Variants in ATXN10 observed in about 807,000 individuals in gnomAD.
The protein encoded by ATXN10 is ataxin-10.
A neutral mutation model predicts 52.9 loss-of-function variants in ATXN10; 28 were observed. The ratio of observed to expected loss-of-function variants is 0.53; its 90% CI spans 0.39 to 0.73. The LOEUF (loss-of-function observed/expected upper bound fraction) is 0.73. Among genes scored for constraint, ATXN10 ranks in the 30% least tolerant of loss-of-function variants. The probability of loss-of-function intolerance (pLI) is 0.00; values close to 1 mark genes in which losing one functional copy is unlikely to be tolerated. For synonymous variants in ATXN10, 226 were observed against 221.5 expected (o/e 1.02, Z -0.18); for missense variants, 565 against 577.0 (o/e 0.98, Z 0.21).
chr22:45,831,264 G>C (rs192090885), intron 10 of ATXN10, among the ~76,000 whole-genome samples: 16 of 152,250 alleles, frequency 1.1e-4, no homozygotes, highest in Admixed American at 9.2e-4. Flanking sequence ...TGCGGAGATG[G>C]ATGGTGGTGA....
chr22:45,730,128 G>A (rs1925030184), intron 7 of ATXN10, among the ~76,000 whole-genome samples: 1 of 152,096 alleles, frequency 6.6e-6, no homozygotes, highest in Non-Finnish European at 1.5e-5. Context: ...AGGATCGCTT[G>A]AGCCCAGGAA....
Position 45,787,565 on chromosome 22 carries a change from C to G in ATXN10, c.1174-19394C>G, listed in dbSNP as rs575420534. On this transcript the variant is annotated intron_variant, in intron 9 of 11. Coordinates refer to ENST00000252934, the MANE Select transcript of ATXN10 (RefSeq NM_013236.4). The surrounding 1 kb of genome is among the most constrained non-coding windows in gnomAD (Gnocchi z 4.2). ...CTTACTGTATGGGAAGGAATGCTGT[C>G]CAGTCGTCTTGAGTTGAACGTTCTC... is the stretch of plus-strand genomic sequence containing the variant. 6.6e-6 allele frequency among the ~76,000 whole-genome samples: 1 copy of G among 152,294 alleles called. No individual in the cohort carries two copies. The highest frequency in any genetic ancestry group is 2.1e-4 in the South Asian group (1 of 4,820).
chr22:45,698,685 A>C (rs1460277168), intron 3 of ATXN10, among the ~76,000 whole-genome samples: 1 of 152,074 alleles, frequency 6.6e-6, no homozygotes, highest in East Asian at 1.9e-4. Context: ...ATGTTATTGG[A>C]AGGATATTAT....
chr22:45,791,162 T>G (rs1279334957), intron 9 of ATXN10, among the ~76,000 whole-genome samples: 2 of 152,234 alleles, frequency 1.3e-5, no homozygotes, highest in Non-Finnish European at 2.9e-5. Context: ...TCCAGCTAAA[T>G]CAGCCTTATT....
chr22:45,811,563 A>G (rs1292259513), intron 10 of ATXN10: 2 of 359,444 alleles, frequency 5.6e-6, no homozygotes, highest in African/African-American at 2.1e-5. Flanking sequence ...GTTACATGCT[A>G]TACAGTTCTA....
rs1026073828 is a variant in ATXN10 at position 45,688,360 on chromosome 22, C to T, written c.117-1352C>T. Among the ~76,000 whole-genome samples, 2 of 151,764 alleles carry T rather than the reference C, an allele frequency of 1.3e-5. No homozygotes were observed. Among genetic ancestry groups the T allele is most frequent in the Non-Finnish European group, 2.9e-5 (2 of 67,978 alleles). On this transcript the variant is annotated intron_variant, in intron 1 of 11. Coordinates refer to ENST00000252934, the MANE Select transcript of ATXN10 (RefSeq NM_013236.4). This position sits in a 1 kb window ranked among gnomAD's most constrained non-coding sequence, Gnocchi z 4.0. ...TTTGAGATACCTTAAAAAATAAATA[C>T]GAGAAAAAGATAAGGGGGGAAATTA...
intron 9 of ATXN10, among the ~76,000 whole-genome samples, chr22:45,799,337 CAT>C (rs1927856930): frequency 6.6e-6 from 1 of 152,174 alleles, no homozygotes; most frequent in South Asian, 2.1e-4. Context: ...CCCCAAAATT[CAT>C]ATGTTGAATT....
chr22:45,693,140 T>C, intron 3 of ATXN10, 62 bp downstream of exon 3: 1 of 1,336,534 alleles, frequency 7.5e-7, no homozygotes, highest in Non-Finnish European at 1.1e-6. Flanking sequence ...AACCAGTACT[T>C]TGAGTATTAA....
chr22:45,838,631 A>G (rs1365860958), intron 10 of ATXN10, among the ~76,000 whole-genome samples: 1 of 152,170 alleles, frequency 6.6e-6, no homozygotes, highest in East Asian at 1.9e-4. Flanking sequence ...CAAGAGGGCA[A>G]TGTGAATATT....
intron 10 of ATXN10, among the ~76,000 whole-genome samples, chr22:45,813,195 A>G (rs1317631561): frequency 3.3e-5 from 5 of 152,108 alleles, no homozygotes; most frequent in Admixed American, 1.3e-4. Context: ...CACAGAGGCA[A>G]TTTCTTATTT....
Position 45,795,473 on chromosome 22 carries a change from C to T in ATXN10, c.1174-11486C>T, listed in dbSNP as rs182636781. On this transcript the variant is annotated intron_variant, in intron 9 of 11. Transcript: ENST00000252934. The surrounding 1 kb of genome is among the most constrained non-coding windows in gnomAD (Gnocchi z 4.6). Reference sequence around the variant, plus strand: ...TTGCCCAGGCTGGAGTGCAGTGGCGCGATCTCAGCTCACTGCAACCTCTGC... The same window carrying T: ...TTGCCCAGGCTGGAGTGCAGTGGCGTGATCTCAGCTCACTGCAACCTCTGC... Among the ~76,000 whole-genome samples the T allele has an allele frequency of 5.1e-3, 775 of 151,284 alleles. 6 individuals carry two copies. The highest frequency in any genetic ancestry group is 0.014 in the Middle Eastern group (4 of 292).
At chr22:45,699,363 T>C (rs1028178451) in intron 3 of ATXN10, among the ~76,000 whole-genome samples, 12 of 152,170 alleles carry the variant, frequency 7.9e-5, no homozygotes, top group African/African-American at 2.9e-4. Flanking sequence ...GCCTGATGAG[T>C]TGTTGGATCA....
intron 9 of ATXN10, among the ~76,000 whole-genome samples, chr22:45,801,656 C>A (rs1927935263): frequency 6.6e-6 from 1 of 152,220 alleles, no homozygotes; most frequent in Middle Eastern, 3.4e-3. Flanking sequence ...TTAGAATAAC[C>A]CCATATCTAC....
In ATXN10 at chr22:45,805,299, T is replaced by A. The variant is rs1196489966; in HGVS notation, c.1174-1660T>A. ...GTAAACACTGTGAAAACAGTCTGGC[T>A]GTTCCTCAAATGTTTATAACTCATA... On this transcript the variant is annotated intron_variant, in intron 9 of 11. Coordinates refer to ENST00000252934, the MANE Select transcript of ATXN10 (RefSeq NM_013236.4). This position sits in a 1 kb window ranked among gnomAD's most constrained non-coding sequence, Gnocchi z 4.4. Among the ~76,000 whole-genome samples the A allele has an allele frequency of 2.0e-5, 3 of 152,242 alleles. No homozygotes were observed. Among genetic ancestry groups the A allele is most frequent in the African/African-American group, 7.2e-5 (3 of 41,474 alleles).
At chr22:45,726,138 T>G (rs537468550) in intron 6 of ATXN10, among the ~76,000 whole-genome samples, 1 of 152,302 alleles carries the variant, frequency 6.6e-6, no homozygotes, top group South Asian at 2.1e-4. Flanking sequence ...CCTTTACTGC[T>G]TTTGGTATCA....
chr22:45,710,111 G>T (rs907469587), intron 5 of ATXN10, among the ~76,000 whole-genome samples: 2 of 152,168 alleles, frequency 1.3e-5, no homozygotes, highest in Non-Finnish European at 2.9e-5. Flanking sequence ...TGTAGCTGTT[G>T]TCACTCCTTG....
chr22:45,730,363 A>G (rs1432043776), intron 7 of ATXN10, among the ~76,000 whole-genome samples: 1 of 149,250 alleles, frequency 6.7e-6, no homozygotes, highest in African/African-American at 2.5e-5. Flanking sequence ...AAAAAAAAAA[A>G]GCCAACATAA....
In ATXN10 at chr22:45,766,296, C is replaced by T. The variant is rs970775468; in HGVS notation, c.1173+25758C>T. Among the ~76,000 whole-genome samples, 36 of 152,156 alleles carry T rather than the reference C, an allele frequency of 2.4e-4. No homozygotes were observed. Among genetic ancestry groups the T allele is most frequent in the African/African-American group, 8.2e-4 (34 of 41,444 alleles). ...CAGGTCAGAGGTGGCATTAGAGTCT[C>T]ACAGGAGCGTGAATACTGTTGTGAA... On this transcript the variant is annotated intron_variant, in intron 9 of 11. Transcript: ENST00000252934. This position sits in a 1 kb window ranked among gnomAD's most constrained non-coding sequence, Gnocchi z 4.6.
chr22:45,729,311 C>T, intron 6 of ATXN10, 114 bp from the exon 7 acceptor site: 1 of 1,051,470 alleles, frequency 9.5e-7, no homozygotes, highest in Non-Finnish European at 1.4e-6. Context: ...ACATTAGAAG[C>T]AAGGTAAGGA....
Sources: gnomAD v4.1 joint callset for allele counts (sites outside exome capture counted in the v4.1 genomes callset) on GRCh38, gnomAD v4.1.1 for gene constraint, Gnocchi (gnomAD v3.1) non-coding constraint, MANE v1.5 for transcripts, NCBI Gene and HGNC (gene_info 2026-07-23, HGNC 2026-07-21) for gene names.